Variants in TBC1D9B observed in about 807,000 individuals in gnomAD.
The protein encoded by TBC1D9B is TBC1 domain family, member 9B (with GRAM domain).
A neutral mutation model predicts 121.1 loss-of-function variants in TBC1D9B; 87 were observed. That is an observed-to-expected ratio of 0.72 (90% CI 0.60 to 0.86). The LOEUF (loss-of-function observed/expected upper bound fraction) is 0.86. TBC1D9B is among the 40% of genes least tolerant of loss of function. The probability of loss-of-function intolerance (pLI) is 0.00; values close to 1 mark genes in which losing one functional copy is unlikely to be tolerated. For synonymous variants in TBC1D9B, 668 were observed against 670.1 expected, an observed-to-expected ratio of 1.00 and a Z score of 0.05; for missense variants, 1,540 against 1,628.6, an observed-to-expected ratio of 0.95 and a Z score of 0.94.
At chr5:179,899,058 G>A in intron 3 of TBC1D9B, 131 bp downstream of exon 3, 1 of 698,066 alleles carries the variant, frequency 1.4e-6, no homozygotes, top group Non-Finnish European at 2.4e-6. Context: ...AAGAGAAGGA[G>A]CGCTGACACT....
intron 3 of TBC1D9B, among the ~76,000 whole-genome samples, chr5:179,898,650 C>T (rs1428221173): frequency 1.3e-5 from 2 of 151,324 alleles, no homozygotes; most frequent in Admixed American, 1.3e-4. Context: ...GGTTTTGCCA[C>T]GTTGGCCAGG....
At chr5:179,877,973 G>T (rs191398714) in intron 10 of TBC1D9B, among the ~76,000 whole-genome samples, 1 of 152,102 alleles carries the variant, frequency 6.6e-6, no homozygotes, top group Non-Finnish European at 1.5e-5. Flanking sequence ...TGGCGGTGAC[G>T]GGCGTGCAAC....
At chr5:179,892,803 T>G (rs893143780) in intron 5 of TBC1D9B, among the ~76,000 whole-genome samples, 5 of 152,134 alleles carry the variant, frequency 3.3e-5, no homozygotes, top group African/African-American at 4.8e-5. Flanking sequence ...TACCAAAGCC[T>G]TTCTGGGGGT....
Position 179,863,445 on chromosome 5 carries a change from G to C in TBC1D9B, c.*3C>G. 9 of 1,611,594 alleles carry C rather than the reference G, an allele frequency of 5.6e-6. No homozygotes were observed. Among genetic ancestry groups the C allele is most frequent in the Non-Finnish European group, 7.6e-6 (9 of 1,178,470 alleles). On this transcript the variant is annotated 3_prime_UTR_variant, in exon 21 of 21. Transcript: ENST00000355235. The surrounding 1 kb of genome is among the most constrained non-coding windows in gnomAD (Gnocchi z 4.5). ...CTTGGGCCAGGCCTCACAGCTGCAG[G>C]CATCAGCCGGAAACTCCAGGCTGCT...
chr5:179,867,669 G>T (rs1183670055), intron 18 of TBC1D9B, 109 bp downstream of exon 18: 2 of 1,540,256 alleles, frequency 1.3e-6, no homozygotes, highest in Admixed American at 3.5e-5. Flanking sequence ...CATGCGGCCT[G>T]CTCCCTGAGC....
intron 18 of TBC1D9B, chr5:179,867,482 G>T (rs761372889): frequency 6.4e-7 from 1 of 1,560,214 alleles, no homozygotes; most frequent in South Asian, 1.2e-5. Flanking sequence ...CCAGATCTGA[G>T]GCCAGAGGAG....
At chr5:179,872,248 T>C (rs1760225597) in intron 14 of TBC1D9B, 1 of 157,764 alleles carries the variant, frequency 6.3e-6, no homozygotes, top group African/African-American at 2.4e-5. Flanking sequence ...TTGGCTCCCG[T>C]CATCTGGATC....
At chr5:179,879,863 C>T (rs1367647193) in intron 7 of TBC1D9B, 74 bp from the exon 8 acceptor site, 8 of 1,483,490 alleles carry the variant, frequency 5.4e-6, no homozygotes, top group Non-Finnish European at 6.3e-6. Context: ...CCCATCCATC[C>T]AGAGCTGGAT....
intron 1 of TBC1D9B, among the ~76,000 whole-genome samples, chr5:179,906,128 G>A (rs554447136): frequency 6.6e-6 from 1 of 152,290 alleles, no homozygotes; most frequent in African/African-American, 2.4e-5. Context: ...AGTCTAGGTT[G>A]GCATGTTTTT....
At position 179,875,195 on chromosome 5, in the gene TBC1D9B, C is replaced by A. The variant is rs900505128; in HGVS notation, c.1901-8G>T. On this transcript the variant is annotated splice_polypyrimidine_tract_variant and splice_region_variant and intron_variant, in intron 11 of 20. Coordinates refer to ENST00000355235, the MANE Select transcript of TBC1D9B (RefSeq NM_015043.4). This position sits in a 1 kb window ranked among gnomAD's most constrained non-coding sequence, Gnocchi z 4.5. ...CTTGGTCCACCAGGGCTCCTGCGGG[C>A]AGGATGAGCGAGGCTGATGGTGAGC... is the stretch of plus-strand genomic sequence containing the variant. The A allele has an allele frequency of 7.4e-6, 12 of 1,611,354 alleles. No individual in the cohort carries two copies. The African/African-American group carries it at 1.3e-4, about 18-fold the overall frequency.
rs550418299 is a variant in TBC1D9B at position 179,904,220 on chromosome 5, CTTTTTTT to C, written c.229+475_229+481del. On this transcript the variant is annotated intron_variant, in intron 2 of 20. Coordinates refer to ENST00000355235, the MANE Select transcript of TBC1D9B (RefSeq NM_015043.4). This position sits in a 1 kb window ranked among gnomAD's most constrained non-coding sequence, Gnocchi z 4.2. ...CTGTCCCCATGACCAGTGGAGCTGC[CTTTTTTT>C]TTTTTTTTTTTTTTTGAGACGGAAT... Among the ~76,000 whole-genome samples, 77 of 80,916 alleles carry C rather than the reference CTTTTTTT, an allele frequency of 9.5e-4. 2 individuals are homozygous for C. Among genetic ancestry groups the C allele is most frequent in the African/African-American group, 3.4e-3 (68 of 20,022 alleles). The allele number at this position is 80,916 out of a possible 152,430, so 53.1% of individuals were successfully genotyped here. A position where few individuals can be genotyped will look rare whatever the true frequency, so the allele number is the denominator to read the frequency against.
chr5:179,873,651 G>A (rs182792207), intron 12 of TBC1D9B, among the ~76,000 whole-genome samples: 38 of 152,304 alleles, frequency 2.5e-4, no homozygotes, highest in South Asian at 1.5e-3. Flanking sequence ...AGGTTGAGTC[G>A]CAGGAGAAAG....
At chr5:179,901,753 AAG>A (rs1170168286) in intron 2 of TBC1D9B, among the ~76,000 whole-genome samples, 1 of 152,238 alleles carries the variant, frequency 6.6e-6, no homozygotes, top group African/African-American at 2.4e-5. Flanking sequence ...GGGCAACAGA[AAG>A]AGAACGCCTC....
rs764767203 is a variant in TBC1D9B, at chr5:179,891,336, C to A, written c.1044+43G>T. On this transcript the variant is annotated intron_variant, in intron 6 of 20. Transcript: ENST00000355235. The surrounding 1 kb of genome is among the most constrained non-coding windows in gnomAD (Gnocchi z 4.3). ...CTGGTCCCTGAGCCCACTGACACCT[C>A]GGGGCTGGAAAGGCCTTGGCCTCTC... 2 of 1,609,862 alleles carry A rather than the reference C, an allele frequency of 1.2e-6. No homozygotes were observed. The highest frequency in any genetic ancestry group is 2.2e-5 in the South Asian group (2 of 90,802).
intron 17 of TBC1D9B, 96 bp downstream of exon 17, chr5:179,869,673 C>A: frequency 7.2e-7 from 1 of 1,386,958 alleles, no homozygotes; most frequent in South Asian, 1.2e-5. Flanking sequence ...GCTGTGCCCC[C>A]TCGAGGCCCC....
chr5:179,867,380 C>A (rs978573853), intron 18 of TBC1D9B: 1 of 1,486,220 alleles, frequency 6.7e-7, no homozygotes, highest in Non-Finnish European at 9.0e-7. Flanking sequence ...AGCTTCCAGG[C>A]TTCCTGATAG....
chr5:179,892,439 A>T (rs1760893129), intron 5 of TBC1D9B, among the ~76,000 whole-genome samples: 1 of 152,248 alleles, frequency 6.6e-6, no homozygotes, highest in Admixed American at 6.5e-5. Context: ...CAAGGGTGTG[A>T]ATCTGGCTGT....
chr5:179,867,599 G>C (rs1266958412), intron 18 of TBC1D9B, 179 bp downstream of exon 18: 2 of 1,500,134 alleles, frequency 1.3e-6, no homozygotes, highest in East Asian at 2.5e-5. Flanking sequence ...ATCCACAGGG[G>C]GCGGCCCCAG....
intron 9 of TBC1D9B, 136 bp from the exon 10 acceptor site, chr5:179,878,659 G>T: frequency 1.2e-6 from 1 of 865,416 alleles, no homozygotes; most frequent in Non-Finnish European, 1.8e-6. Context: ...GCGAGGCAAG[G>T]TTTCCCTTGT....
Sources: gnomAD v4.1 joint callset for allele counts (sites outside exome capture counted in the v4.1 genomes callset) on GRCh38, gnomAD v4.1.1 for gene constraint, Gnocchi (gnomAD v3.1) non-coding constraint, MANE v1.5 for transcripts, NCBI Gene and HGNC (gene_info 2026-07-23, HGNC 2026-07-21) for gene names.